The following TFB1M variants were observed in gnomAD, a reference collection of about 807,000 sequenced individuals.
The protein encoded by TFB1M is transcription factor B1, mitochondrial, also known as dimethyladenosine transferase 1, mitochondrial.
In TFB1M, 27 loss-of-function variants were observed where a neutral mutation model predicts 31.1. The ratio of observed to expected loss-of-function variants is 0.87; its 90% CI spans 0.64 to 1.20. TFB1M has a LOEUF of 1.20. Among genes scored for constraint, TFB1M ranks in the 50% most tolerant of loss-of-function variants. The pLI, the probability that TFB1M is intolerant of heterozygous loss-of-function variation, is 0.00. For missense variants in TFB1M, 394 were observed against 418.7 expected, an observed-to-expected ratio of 0.94 and a Z score of 0.51; for synonymous variants, 166 against 151.8, an observed-to-expected ratio of 1.09 and a Z score of -0.69.
intron 2 of TFB1M, chr6:155,310,827 A>AT (rs1777984656): frequency 4.5e-6 from 1 of 224,552 alleles, no homozygotes; most frequent in South Asian, 6.8e-5. Context: ...AGTCATACCA[A>AT]TGAGTCATTA....
chr6:155,311,122 A>C, intron 2 of TFB1M, 66 bp downstream of exon 2: 1 of 1,562,212 alleles, frequency 6.4e-7, no homozygotes, highest in Admixed American at 1.7e-5. Context: ...TTGGGGTTTA[A>C]GCATCATGGC....
intron 5 of TFB1M, among the ~76,000 whole-genome samples, chr6:155,282,294 A>C (rs565458004): frequency 6.6e-6 from 1 of 152,230 alleles, no homozygotes; most frequent in South Asian, 2.1e-4. Context: ...GCAGTAATTC[A>C]GTTCAACTAG....
chr6:155,298,257 T>C (rs917491475), intron 3 of TFB1M, among the ~76,000 whole-genome samples: 6 of 152,114 alleles, frequency 3.9e-5, no homozygotes, highest in Admixed American at 1.3e-4. Context: ...TACAAAACAT[T>C]TGGAAATGAG....
intron 5 of TFB1M, among the ~76,000 whole-genome samples, chr6:155,281,721 C>CAAAAAAAA (rs1217317032): frequency 3.2e-5 from 2 of 63,226 alleles, no homozygotes; most frequent in Non-Finnish European, 5.8e-5. Context: ...GACTCTGTCT[C>CAAAAAAAA]AAAAAAAAAA....
intron 5 of TFB1M, among the ~76,000 whole-genome samples, chr6:155,266,995 A>C (rs1437713276): frequency 1.5e-5 from 2 of 136,136 alleles, no homozygotes; most frequent in Non-Finnish European, 3.1e-5. Flanking sequence ...TTTGAGACAG[A>C]GTCTCACTCT....
chr6:155,253,280 A>G (rs940935644), downstream of TFB1M: 1 of 515,106 alleles, frequency 1.9e-6, no homozygotes, highest in East Asian at 3.0e-5. Context: ...TTGTTTCCTT[A>G]TTTTCCCTAT....
At chr6:155,293,157 T>TCATACATACATACATA (rs56359910) in intron 4 of TFB1M, among the ~76,000 whole-genome samples, 200 of 151,354 alleles carry the variant, frequency 1.3e-3, no homozygotes, top group East Asian at 4.5e-3. Context: ...ACTTTAAATA[T>TCATACATACATACATA]CATACATACA....
Position 155,256,695 on chromosome 6 carries a change from T to TGATGCCGA in TFB1M, c.*1140_*1141insTCGGCATC. 6.2e-7 allele frequency: 1 copy of TGATGCCGA among 1,614,074 alleles called. No individual in the cohort carries two copies. Among genetic ancestry groups the TGATGCCGA allele is most frequent in the Non-Finnish European group, 8.5e-7 (1 of 1,180,018 alleles). ...CCGGCTTGGCAGATTTTGCCGACAA[T>TGATGCCGA]CTCATCAAAGAGAGTGACATCCTGA... is the stretch of plus-strand genomic sequence containing the variant. On this transcript the variant is annotated 3_prime_UTR_variant, in exon 7 of 7. Transcript: ENST00000367166.
downstream of TFB1M, chr6:155,253,885 A>C (rs1783831556): frequency 1.0e-6 from 1 of 953,436 alleles, no homozygotes; most frequent in African/African-American, 1.7e-5. Flanking sequence ...GACTTTCTTA[A>C]CTGATGAGAT....
chr6:155,257,477 G>T lies in TFB1M; in HGVS notation c.*359C>A. 9.2e-6 allele frequency: 3 copies of T among 326,916 alleles called. No individual in the cohort carries two copies. Among genetic ancestry groups the T allele is most frequent in the South Asian group, 3.8e-5 (1 of 26,286 alleles). The allele number at this position is 326,916 out of a possible 1,614,324, so 20.3% of individuals were successfully genotyped here. A position where few individuals can be genotyped will look rare whatever the true frequency, so the allele number is the denominator to read the frequency against. On this transcript the variant is annotated 3_prime_UTR_variant, in exon 7 of 7. Transcript: ENST00000367166. Reference sequence around the variant, plus strand: ...AGGGCCATTTTTTAAAATCCTCTGGGCATTTTCTTTCAGCTGTTTGTTAGT... The same window carrying T: ...AGGGCCATTTTTTAAAATCCTCTGGTCATTTTCTTTCAGCTGTTTGTTAGT...
At chr6:155,273,174 C>A (rs1785018199) in intron 5 of TFB1M, among the ~76,000 whole-genome samples, 1 of 152,076 alleles carries the variant, frequency 6.6e-6, no homozygotes, top group Non-Finnish European at 1.5e-5. Context: ...GATTTTTTTT[C>A]TAGAAACTTT....
In TFB1M at chr6:155,258,029, A is replaced by AACTC. The variant is rs1457836021; in HGVS notation, c.844_847dup (p.Leu283Ter). 1 of 1,614,228 alleles carries AACTC rather than the reference A, an allele frequency of 6.2e-7. No individual in the cohort carries two copies. Among genetic ancestry groups the AACTC allele is most frequent in the Non-Finnish European group, 8.5e-7 (1 of 1,180,024 alleles). On this transcript the variant is annotated stop_gained and frameshift_variant, in exon 7 of 7. Coordinates refer to ENST00000367166, the MANE Select transcript of TFB1M (RefSeq NM_016020.4). LOFTEE classifies it low-confidence loss of function (END_TRUNC). ...CCGAAGAGTAGGGTCTATGTCTGCC[A>AACTC]ACTCTAACAGCCTGCCCGTGCTTTC...
chr6:155,291,290 A>T (rs1454865297), intron 4 of TFB1M, among the ~76,000 whole-genome samples: 1 of 152,194 alleles, frequency 6.6e-6, no homozygotes, highest in Non-Finnish European at 1.5e-5. Flanking sequence ...TTGGTGTGGA[A>T]AAAACCCACA....
the TFB1M span, chr6:155,249,974 G>T: frequency 2.5e-6 from 4 of 1,608,660 alleles, no homozygotes; most frequent in South Asian, 3.3e-5. Context: ...AAGGAGGTCC[G>T]TGAGACATCT....
At chr6:155,304,110 G>C (rs181802665) in intron 2 of TFB1M, among the ~76,000 whole-genome samples, 106 of 152,100 alleles carry the variant, frequency 7.0e-4, no homozygotes, top group African/African-American at 2.5e-3. Flanking sequence ...ATGAAACCCA[G>C]TCTCTATTAA....
At chr6:155,231,526 C>T in the TFB1M span, among the ~76,000 whole-genome samples, 31 of 152,340 alleles carry the variant, frequency 2.0e-4, no homozygotes, top group East Asian at 5.6e-3. Flanking sequence ...CACACCCTGC[C>T]AAGGGGCTGA....
rs192690629 is a variant in TFB1M at position 155,262,972 on chromosome 6, C to T, written c.667-2572G>A. The stretch of plus-strand genomic sequence containing the variant: ...TCTGTTAAGTTGGCTTATATTATGT[C>T]ACGGCTAAAAGAGAATTCCCCTCAC... On this transcript the variant is annotated intron_variant, in intron 5 of 6. Coordinates refer to ENST00000367166, the MANE Select transcript of TFB1M (RefSeq NM_016020.4). 5.6e-4 allele frequency among the ~76,000 whole-genome samples: 85 copies of T among 152,270 alleles called. No homozygotes were observed. In the East Asian group the frequency reaches 6.7e-3, roughly 12 times the overall value.
At chr6:155,298,283 C>T (rs1777268033) in intron 3 of TFB1M, among the ~76,000 whole-genome samples, 194 bp downstream of exon 3, 1 of 151,602 alleles carries the variant, frequency 6.6e-6, no homozygotes, top group South Asian at 2.1e-4. Context: ...TGAATTAGAA[C>T]TAAAAAAAGT....
the TFB1M span, among the ~76,000 whole-genome samples, chr6:155,230,775 A>C: frequency 5.2e-3 from 514 of 98,224 alleles, 4 homozygotes; most frequent in African/African-American, 0.021. Flanking sequence ...CTATGCATAC[A>C]TATTTATATA....
Sources: allele counts gnomAD v4.1 joint callset (sites outside exome capture counted in the v4.1 genomes callset), GRCh38; gene constraint gnomAD v4.1.1; transcripts MANE v1.5; gene names NCBI Gene and HGNC (gene_info 2026-07-23, HGNC 2026-07-21).